Variants in TPTE observed in about 807,000 individuals in gnomAD.
The protein encoded by TPTE is putative tyrosine-protein phosphatase TPTE.
TPTE carries 59 observed loss-of-function variants against 84.1 expected under a neutral mutation model. The observed-to-expected ratio is 0.70, with a 90% CI of 0.57 to 0.87. The LOEUF (loss-of-function observed/expected upper bound fraction) is 0.87, where lower values mean the gene tolerates loss of function less well. Among genes scored for constraint, TPTE ranks in the 40% least tolerant of loss-of-function variants. The pLI is 0.00. For synonymous variants in TPTE, 130 were observed against 223.5 expected, an observed-to-expected ratio of 0.58 and a Z score of 3.73; for missense variants, 382 against 659.6, an observed-to-expected ratio of 0.58 and a Z score of 4.61.
intron 3 of TPTE, among the ~76,000 whole-genome samples, chr21:10,536,844 A>AT (rs2074275485): frequency 6.6e-6 from 1 of 152,306 alleles, no homozygotes; most frequent in African/African-American, 2.4e-5. Flanking sequence ...TTTCCTGTGT[A>AT]TGAGACATAC....
rs1600982270 is a variant in TPTE, at chr21:10,597,283, T to C, written c.1277-732T>C. The stretch of plus-strand genomic sequence containing the variant: ...ATTGCATCAGGAACTGGCCTTAAAG[T>C]AGGGCCAAAGTACTTAAACGACAGT... On this transcript the variant is annotated intron_variant, in intron 20 of 23. Coordinates refer to ENST00000618007, the MANE Select transcript of TPTE (RefSeq NM_199261.4). Among the ~76,000 whole-genome samples, 7 of 152,430 alleles carry C rather than the reference T, an allele frequency of 4.6e-5. No individual in the cohort carries two copies. In the South Asian group the frequency reaches 1.4e-3, roughly 32 times the overall value.
chr21:10,574,650 A>G (rs1467391235), intron 14 of TPTE, among the ~76,000 whole-genome samples: 1 of 152,310 alleles, frequency 6.6e-6, no homozygotes, highest in Non-Finnish European at 1.5e-5. Flanking sequence ...GAATGAAGAT[A>G]AGCAGGCAGA....
intron 19 of TPTE, among the ~76,000 whole-genome samples, chr21:10,593,538 A>G (rs1267990085): frequency 6.6e-5 from 10 of 152,414 alleles, no homozygotes; most frequent in African/African-American, 2.2e-4. Context: ...TGTTTATCCT[A>G]TAGCATTTAC....
intron 20 of TPTE, among the ~76,000 whole-genome samples, chr21:10,596,405 G>C (rs990123970): frequency 2.6e-5 from 4 of 152,300 alleles, no homozygotes; most frequent in African/African-American, 9.6e-5. Flanking sequence ...CCTCTGATGA[G>C]GGAGGAGGAG....
At chr21:10,541,895 C>G (rs2074376880) in intron 5 of TPTE, among the ~76,000 whole-genome samples, 1 of 152,300 alleles carries the variant, frequency 6.6e-6, no homozygotes, top group Non-Finnish European at 1.5e-5. Flanking sequence ...CCCTCCAGAA[C>G]CCTGCCACCA....
intron 4 of TPTE, 61 bp downstream of exon 4, chr21:10,538,795 C>T: frequency 1.2e-6 from 2 of 1,613,930 alleles, no homozygotes; most frequent in South Asian, 1.1e-5. Flanking sequence ...GAAGTATTCA[C>T]AGACACAGGC....
chr21:10,602,271 A>C, intron 22 of TPTE, 121 bp downstream of exon 22: 1 of 1,252,938 alleles, frequency 8.0e-7, no homozygotes, highest in Non-Finnish European at 1.2e-6. Context: ...AATAAATCAG[A>C]TCTATAACAA....
At chr21:10,564,535 CCAAAAA>C (rs1268324798) in intron 10 of TPTE, among the ~76,000 whole-genome samples, 4 of 152,272 alleles carry the variant, frequency 2.6e-5, no homozygotes, top group Non-Finnish European at 4.4e-5. Flanking sequence ...AAAAACAAAC[CCAAAAA>C]CCAAAACCAA....
intron 17 of TPTE, among the ~76,000 whole-genome samples, chr21:10,588,475 G>C (rs111625779): frequency 0.017 from 2,486 of 148,548 alleles, no homozygotes; most frequent in African/African-American, 0.063. Flanking sequence ...GGATAGTCTG[G>C]TGAGTATATG....
intron 17 of TPTE, among the ~76,000 whole-genome samples, chr21:10,587,423 T>C (rs1288530155): frequency 7.9e-5 from 12 of 152,386 alleles, no homozygotes; most frequent in African/African-American, 2.4e-4. Flanking sequence ...TTGATGTCCA[T>C]GAGCACCCAT....
At chr21:10,586,781 T>C (rs574453515) in intron 17 of TPTE, among the ~76,000 whole-genome samples, 5 of 152,426 alleles carry the variant, frequency 3.3e-5, no homozygotes, top group Middle Eastern at 3.4e-3. Flanking sequence ...GAAATCTTCC[T>C]AAAATCTCTC....
At chr21:10,547,586 A>C (rs2074491779) in intron 7 of TPTE, among the ~76,000 whole-genome samples, 1 of 152,308 alleles carries the variant, frequency 6.6e-6, no homozygotes, top group African/African-American at 2.4e-5. Flanking sequence ...CAAGGTGAAG[A>C]CTTCCCACCC....
intron 14 of TPTE, among the ~76,000 whole-genome samples, chr21:10,570,982 G>T (rs1165158994): frequency 3.9e-5 from 6 of 152,426 alleles, no homozygotes; most frequent in East Asian, 1.9e-4. Context: ...ATCCCATCTG[G>T]CACCCACTGC....
chr21:10,554,962 G>A (rs977721289), intron 8 of TPTE, among the ~76,000 whole-genome samples: 27 of 152,284 alleles, frequency 1.8e-4, no homozygotes, highest in Non-Finnish European at 3.4e-4. Flanking sequence ...TTCGTGCTTT[G>A]CATCATGGCC....
At chr21:10,593,488 T>C (rs1475860110) in intron 19 of TPTE, among the ~76,000 whole-genome samples, 1 of 152,302 alleles carries the variant, frequency 6.6e-6, no homozygotes, top group Admixed American at 6.5e-5. Flanking sequence ...TTTCTCACCA[T>C]TTTTTATTAC....
chr21:10,525,987 G>A (rs1393675466), intron 2 of TPTE, among the ~76,000 whole-genome samples: 3 of 152,300 alleles, frequency 2.0e-5, no homozygotes, highest in Non-Finnish European at 4.4e-5. Context: ...GAAAAATCTA[G>A]TAATCATTTA....
chr21:10,529,668 A>G (rs1288026255), intron 3 of TPTE, among the ~76,000 whole-genome samples: 1 of 152,308 alleles, frequency 6.6e-6, no homozygotes, highest in African/African-American at 2.4e-5. Context: ...CCTCTATTGA[A>G]TATTACACTG....
intron 7 of TPTE, among the ~76,000 whole-genome samples, chr21:10,552,144 G>C (rs1432897928): frequency 6.6e-6 from 1 of 152,310 alleles, no homozygotes; most frequent in African/African-American, 2.4e-5. Context: ...AACCAATAAA[G>C]TAGTTTTTAA....
At chr21:10,524,229 T>C (rs370245632) in intron 1 of TPTE, among the ~76,000 whole-genome samples, 78 of 152,390 alleles carry the variant, frequency 5.1e-4, no homozygotes, top group African/African-American at 1.8e-3. Context: ...CTCATCTTCA[T>C]CAGGAGAATT....
Sources: allele counts gnomAD v4.1 joint callset (sites outside exome capture counted in the v4.1 genomes callset), GRCh38; gene constraint gnomAD v4.1.1; transcripts MANE v1.5; gene names NCBI Gene and HGNC (gene_info 2026-07-23, HGNC 2026-07-21).